The following WWOX variants were observed in gnomAD, a reference collection of about 807,000 sequenced individuals.
The protein encoded by WWOX is WW domain containing oxidoreductase, also known as WW domain-containing oxidoreductase.
In WWOX, 69 loss-of-function variants were observed where a neutral mutation model predicts 46.2. That is an observed-to-expected ratio of 1.49 (90% confidence interval 1.23 to 1.82). The LOEUF (loss-of-function observed/expected upper bound fraction) is 1.82, where lower values mean the gene tolerates loss of function less well. WWOX is among the 40% of genes most tolerant of loss of function. WWOX has a pLI of 0.00. For missense variants in WWOX, 919 were observed against 542.6 expected (o/e 1.69, Z -6.89); for synonymous variants, 359 against 202.6 (o/e 1.77, Z -6.56).
intron 8 of WWOX, among the ~76,000 whole-genome samples, chr16:78,549,167 G>T (rs533003251): frequency 1.3e-5 from 2 of 152,252 alleles, no homozygotes; most frequent in East Asian, 3.9e-4. Context: ...AGAGATTGCC[G>T]GTCGTAAAGG....
chr16:78,972,470 G>GAAA (rs11375724), intron 8 of WWOX, among the ~76,000 whole-genome samples: 10 of 143,006 alleles, frequency 7.0e-5, no homozygotes, highest in African/African-American at 2.6e-4. Flanking sequence ...AAGCAGGGGT[G>GAAA]AAAAAAAAAA....
intron 8 of WWOX, chr16:79,101,356 TA>T (rs1424619343): frequency 6.6e-6 from 1 of 152,220 alleles, no homozygotes; most frequent in East Asian, 1.9e-4. Context: ...TCGCAGGTTA[TA>T]GAAGGATTTA....
rs1417721438 is a variant in WWOX, at chr16:78,261,791, T to TCTAGATATAG, written c.516+97502_516+97503insCTAGATATAG. On this transcript the variant is annotated intron_variant, in intron 5 of 8. Coordinates refer to ENST00000566780, the MANE Select transcript of WWOX (RefSeq NM_016373.4). ...ATCTATGTATCTATCTATCTATCTA[T>TCTAGATATAG]ATATATATATATATATATATATATA... is the stretch of plus-strand genomic sequence containing the variant. Among the ~76,000 whole-genome samples, 99 of 34,214 alleles carry TCTAGATATAG rather than the reference T, an allele frequency of 2.9e-3. 1 individual carries two copies. The highest frequency in any genetic ancestry group is 0.017 in the African/African-American group (92 of 5,444). The allele number at this position is 34,214 out of a possible 152,430, so 22.4% of individuals were successfully genotyped here.
chr16:78,633,940 C>T (rs1041427104), intron 8 of WWOX, among the ~76,000 whole-genome samples: 2 of 150,850 alleles, frequency 1.3e-5, no homozygotes, highest in Non-Finnish European at 2.9e-5. Context: ...AGAACAGTTC[C>T]AGCTCTGCCG....
intron 8 of WWOX, among the ~76,000 whole-genome samples, chr16:78,524,380 G>C (rs2043412148): frequency 6.7e-6 from 1 of 148,664 alleles, no homozygotes; most frequent in East Asian, 2.0e-4. Flanking sequence ...TAGTTGACTA[G>C]AGATTTCATT....
intron 8 of WWOX, chr16:78,897,828 C>A (rs967559378): frequency 6.6e-6 from 1 of 152,130 alleles, no homozygotes; most frequent in African/African-American, 2.4e-5. Context: ...TCCTCATCAG[C>A]ACTTTGTAAT....
intron 5 of WWOX, among the ~76,000 whole-genome samples, chr16:78,321,358 GCGTATATATATACGTATATA>G (rs2080473472): frequency 3.0e-5 from 1 of 33,696 alleles, no homozygotes; most frequent in African/African-American, 2.8e-4. Flanking sequence ...ACGTATATAT[GCGTATATATATACGTATATA>G]TGCGTATATA....
intron 8 of WWOX, among the ~76,000 whole-genome samples, chr16:79,185,407 G>A (rs776943990): frequency 6.6e-5 from 10 of 152,160 alleles, no homozygotes; most frequent in African/African-American, 2.2e-4. Context: ...ACTTGAAAGT[G>A]TATTTGACCA....
At chr16:78,962,920 T>C (rs1337289089) in intron 8 of WWOX, among the ~76,000 whole-genome samples, 3 of 152,228 alleles carry the variant, frequency 2.0e-5, no homozygotes, top group East Asian at 1.9e-4. Flanking sequence ...CTTGCTTCTT[T>C]TACTCCTCAT....
At chr16:78,666,950 C>G (rs1314107344) in intron 8 of WWOX, among the ~76,000 whole-genome samples, 1 of 152,164 alleles carries the variant, frequency 6.6e-6, no homozygotes, top group Non-Finnish European at 1.5e-5. Flanking sequence ...ACAGTTCCAT[C>G]ACAAAAGGGG....
chr16:78,794,165 G>C (rs977081396), intron 8 of WWOX, among the ~76,000 whole-genome samples: 1 of 152,118 alleles, frequency 6.6e-6, no homozygotes, highest in African/African-American at 2.4e-5. Context: ...AGTGACCCCA[G>C]AAGCTGCCTT....
chr16:78,455,871 A>C, intron 8 of WWOX, among the ~76,000 whole-genome samples: 1 of 152,096 alleles, frequency 6.6e-6, no homozygotes, highest in East Asian at 1.9e-4. Flanking sequence ...TGAGATTTAA[A>C]AAACTAACTT....
intron 8 of WWOX, among the ~76,000 whole-genome samples, chr16:78,530,732 C>T (rs1365822402): frequency 6.6e-6 from 1 of 152,192 alleles, no homozygotes; most frequent in African/African-American, 2.4e-5. Context: ...AATTTCCCTG[C>T]CTCCTGTCCC....
Position 78,588,296 on chromosome 16 carries a change from G to C in WWOX, c.1056+155544G>C, listed in dbSNP as rs563560295. On this transcript the variant is annotated intron_variant, in intron 8 of 8. Transcript: ENST00000566780. ...AAGGAGACCAGACTCATAGGTTTTG[G>C]GTGCGGATAATGGATAATCTGGCTA... Among the ~76,000 whole-genome samples the C allele has an allele frequency of 3.4e-4, 52 of 152,252 alleles. 1 individual carries two copies. In the South Asian group the frequency reaches 0.011, roughly 32 times the overall value.
intron 8 of WWOX, among the ~76,000 whole-genome samples, chr16:78,869,491 G>A (rs1316585400): frequency 6.6e-6 from 1 of 152,190 alleles, no homozygotes; most frequent in East Asian, 1.9e-4. Context: ...AGCTCATCCG[G>A]TAACAATTTA....
intron 8 of WWOX, among the ~76,000 whole-genome samples, chr16:79,002,812 C>A (rs1009923339): frequency 1.3e-5 from 2 of 152,138 alleles, no homozygotes; most frequent in African/African-American, 4.8e-5. Flanking sequence ...GATCCAAAAC[C>A]CATGCTCATA....
rs574770956 is a variant in WWOX at position 79,207,655 on chromosome 16, T to A, written c.1057-3953T>A. ...AGTTAAGTCTACTTTAAGACAGGAATCTCCTCTTTCTTTTAAATGAGCATG... is the reference window on the plus strand; with the variant it reads ...AGTTAAGTCTACTTTAAGACAGGAAACTCCTCTTTCTTTTAAATGAGCATG... On this transcript the variant is annotated intron_variant, in intron 8 of 8. Transcript: ENST00000566780. Among the ~76,000 whole-genome samples the A allele has an allele frequency of 5.9e-5, 9 of 152,302 alleles. 1 individual carries two copies. Among genetic ancestry groups the A allele is most frequent in the Admixed American group, 2.6e-4 (4 of 15,304 alleles).
intron 8 of WWOX, among the ~76,000 whole-genome samples, chr16:78,940,408 A>T (rs375708311): frequency 6.6e-6 from 1 of 152,178 alleles, no homozygotes; most frequent in Admixed American, 6.5e-5. Flanking sequence ...GTGTTTCTCT[A>T]CCAAAGCTGA....
At chr16:78,534,686 A>T (rs1040889273) in intron 8 of WWOX, 2 of 152,020 alleles carry the variant, frequency 1.3e-5, no homozygotes, top group Non-Finnish European at 2.9e-5. Context: ...ATGTCCTGCA[A>T]TATTGCTTTA....
Sources: allele counts gnomAD v4.1 joint callset (sites outside exome capture counted in the v4.1 genomes callset), GRCh38; gene constraint gnomAD v4.1.1; transcripts MANE v1.5; gene names NCBI Gene and HGNC (gene_info 2026-07-23, HGNC 2026-07-21).